Variants in ADCY8 observed in about 807,000 individuals in gnomAD.
ADCY8 encodes adenylate cyclase type 8.
Under a neutral mutation model 119.7 loss-of-function variants are expected in ADCY8, and 51 were observed. The ratio of observed to expected loss-of-function variants is 0.43; its 90% CI spans 0.34 to 0.54. The LOEUF (loss-of-function observed/expected upper bound fraction) is 0.54. Among genes scored for constraint, ADCY8 ranks in the 20% least tolerant of loss-of-function variants. The pLI, the probability that ADCY8 is intolerant of heterozygous loss-of-function variation, is 0.03. For missense variants in ADCY8, 1,383 were observed against 1,598.8 expected (o/e 0.87, Z 2.30); for synonymous variants, 665 against 651.0 (o/e 1.02, Z -0.33).
At chr8:130,992,722 A>C (rs1019576149) in intron 1 of ADCY8, among the ~76,000 whole-genome samples, 1 of 152,046 alleles carries the variant, frequency 6.6e-6, no homozygotes, top group African/African-American at 2.4e-5. Flanking sequence ...GCCAAAAAAA[A>C]ATTTTTAAAT....
At position 130,994,809 on chromosome 8, in the gene ADCY8, C is replaced by T. The variant is rs80222949; in HGVS notation, c.961-4267G>A. Among the ~76,000 whole-genome samples the T allele has an allele frequency of 9.9e-3, 1,503 of 152,248 alleles. 21 individuals carry two copies. Among genetic ancestry groups the T allele is most frequent in the African/African-American group, 0.034 (1,396 of 41,546 alleles). On this transcript the variant is annotated intron_variant, in intron 1 of 17. Transcript: ENST00000286355. Reference sequence around the variant, plus strand: ...CTGCTAAATAGTACTTAATACACCACAAAATATTTATCTGTTCCACCACTC... The same window carrying T: ...CTGCTAAATAGTACTTAATACACCATAAAATATTTATCTGTTCCACCACTC...
intron 11 of ADCY8, 23 bp from the exon 12 acceptor site, chr8:130,836,472 G>A (rs1299292199): frequency 9.9e-6 from 16 of 1,608,754 alleles, no homozygotes; most frequent in Non-Finnish European, 1.4e-5. Flanking sequence ...AATGCAGGTG[G>A]TCAGATTCAA....
intron 1 of ADCY8, among the ~76,000 whole-genome samples, chr8:131,030,507 T>C (rs1453743589): frequency 6.6e-6 from 1 of 152,202 alleles, no homozygotes; most frequent in Non-Finnish European, 1.5e-5. Flanking sequence ...AGAGTCCAAG[T>C]CTTGCATTTG....
At chr8:130,842,074 G>T (rs1817162460) in intron 11 of ADCY8, among the ~76,000 whole-genome samples, 1 of 152,124 alleles carries the variant, frequency 6.6e-6, no homozygotes, top group African/African-American at 2.4e-5. Context: ...GTATGTGGTT[G>T]GTGCTCTAGT....
intron 5 of ADCY8, among the ~76,000 whole-genome samples, chr8:130,918,834 G>A (rs538151186): frequency 6.6e-6 from 1 of 152,362 alleles, no homozygotes; most frequent in East Asian, 1.9e-4. Flanking sequence ...GCCAAGGCGG[G>A]CAGATCGCCT....
chr8:130,871,310 T>C (rs1418390501), intron 8 of ADCY8, among the ~76,000 whole-genome samples: 1 of 152,188 alleles, frequency 6.6e-6, no homozygotes, highest in East Asian at 1.9e-4. Flanking sequence ...GCCCCACTTA[T>C]CCTTTTATAT....
Position 130,846,655 on chromosome 8 carries a change from C to A in ADCY8, c.2502+769G>T, listed in dbSNP as rs1817312443. Among the ~76,000 whole-genome samples the A allele has an allele frequency of 2.3e-5, 3 of 131,288 alleles. No homozygotes were observed. The South Asian group carries it at 8.9e-4, about 39-fold the overall frequency. The allele number at this position is 131,288 out of a possible 152,430, so 86.1% of individuals were successfully genotyped here. On this transcript the variant is annotated intron_variant, in intron 11 of 17. Coordinates refer to ENST00000286355, the MANE Select transcript of ADCY8 (RefSeq NM_001115.3). ...TTCTCCTTCCTTCCCTCCTTCCTTC[C>A]CCTTCCTTCCTTCTTTCTTTCCTTC...
At chr8:130,804,357 G>T (rs1563671118) in intron 14 of ADCY8, among the ~76,000 whole-genome samples, 1 of 152,148 alleles carries the variant, frequency 6.6e-6, no homozygotes, top group Non-Finnish European at 1.5e-5. Context: ...TTAGGTTCTA[G>T]TCTCCTCTTT....
chr8:131,040,055 C>A lies in ADCY8; in HGVS notation c.279G>T (p.Ser93=), dbSNP rs1366467406. The change falls in exon 1 of 18, where the codon TCG becomes TCT. Residue 93 remains serine (S), a synonymous_variant. Coordinates refer to ENST00000286355, the MANE Select transcript of ADCY8 (RefSeq NM_001115.3). ...TGTGCGCTCGCTCTCCCGGGCCCAG[C>A]GAGTAGAGGGGCAGCGCCGAGTCGC... ...LSGDSALPLY[S]LGPGERAHST... 3.9e-6 allele frequency: 6 copies of A among 1,545,662 alleles called. No individual in the cohort carries two copies. Among genetic ancestry groups the A allele is most frequent in the Non-Finnish European group, 5.2e-6 (6 of 1,150,632 alleles).
At chr8:130,800,369 C>T in intron 15 of ADCY8, 57 bp downstream of exon 15, 1 of 1,590,592 alleles carries the variant, frequency 6.3e-7, no homozygotes, top group Non-Finnish European at 8.6e-7. Context: ...ATGAATAACA[C>T]AACGCTTTGA....
At position 130,990,284 on chromosome 8, in the gene ADCY8, T is replaced by C. The variant is rs913292669; in HGVS notation, c.1110+109A>G. The C allele has an allele frequency of 7.9e-6, 11 of 1,391,604 alleles. No homozygotes were observed. The African/African-American group carries it at 1.6e-4, about 20-fold the overall frequency. The allele number at this position is 1,391,604 out of a possible 1,614,324, so 86.2% of individuals were successfully genotyped here. A position where few individuals can be genotyped will look rare whatever the true frequency, so the allele number is the denominator to read the frequency against. On this transcript the variant is annotated intron_variant, in intron 2 of 17. Transcript: ENST00000286355. ...CTCTGGAATCCTGTGACATAAACTT[T>C]AAGAGAACACTTTTAAGTCAGGACG...
chr8:130,923,449 C>T (rs908176668), intron 5 of ADCY8, among the ~76,000 whole-genome samples: 1 of 152,226 alleles, frequency 6.6e-6, no homozygotes, highest in African/African-American at 2.4e-5. Flanking sequence ...AAGACCTTTA[C>T]TCTGATTAAC....
chr8:130,906,277 A>G (rs1198062756), intron 6 of ADCY8, among the ~76,000 whole-genome samples: 1 of 152,240 alleles, frequency 6.6e-6, no homozygotes, highest in East Asian at 1.9e-4. Flanking sequence ...AATCTGAGTT[A>G]AGACTGGAAG....
chr8:130,818,777 C>T (rs1436661725), intron 13 of ADCY8, among the ~76,000 whole-genome samples: 1 of 152,178 alleles, frequency 6.6e-6, no homozygotes, highest in African/African-American at 2.4e-5. Context: ...TGATACAACC[C>T]TGCAGAAAGC....
intron 5 of ADCY8, among the ~76,000 whole-genome samples, chr8:130,918,039 G>T (rs1034920016): frequency 4.6e-5 from 7 of 152,066 alleles, no homozygotes; most frequent in Admixed American, 1.3e-4. Context: ...AATACAACTG[G>T]AATGTTTTTT....
chr8:130,812,047 C>T (rs1015374346), intron 14 of ADCY8, among the ~76,000 whole-genome samples: 2 of 152,170 alleles, frequency 1.3e-5, no homozygotes, highest in Non-Finnish European at 1.5e-5. Context: ...ACTATTGATT[C>T]TATATCCTAA....
At chr8:130,996,753 C>G (rs1328521340) in intron 1 of ADCY8, among the ~76,000 whole-genome samples, 1 of 152,080 alleles carries the variant, frequency 6.6e-6, no homozygotes, top group Non-Finnish European at 1.5e-5. Flanking sequence ...GAATACTGCT[C>G]TAATCTAAGC....
At chr8:130,887,406 T>C (rs1172914612) in intron 7 of ADCY8, among the ~76,000 whole-genome samples, 1 of 152,206 alleles carries the variant, frequency 6.6e-6, no homozygotes, top group Non-Finnish European at 1.5e-5. Flanking sequence ...GGGAAGGAGC[T>C]CCTTTCATCA....
Position 130,923,791 on chromosome 8 carries a change from C to T in ADCY8, c.1481+13282G>A, listed in dbSNP as rs145663024. Reference sequence around the variant, plus strand: ...ATGCATGAGATGACATTAAGTGTTTCATTGGAAATAAAATTACATTCAATC... The same window carrying T: ...ATGCATGAGATGACATTAAGTGTTTTATTGGAAATAAAATTACATTCAATC... On this transcript the variant is annotated intron_variant, in intron 5 of 17. Transcript: ENST00000286355. 6.6e-3 allele frequency among the ~76,000 whole-genome samples: 1,008 copies of T among 152,228 alleles called. 5 individuals carry two copies. The highest frequency in any genetic ancestry group is 0.037 in the Middle Eastern group (11 of 294).
Sources: gnomAD v4.1 joint callset for allele counts (sites outside exome capture counted in the v4.1 genomes callset) on GRCh38, gnomAD v4.1.1 for gene constraint, MANE v1.5 for transcripts, NCBI Gene and HGNC (gene_info 2026-07-23, HGNC 2026-07-21) for gene names.